CNTNAP2: variants seen among roughly 807,000 people sequenced by gnomAD.
CNTNAP2 encodes the protein contactin associated protein 2.
A neutral mutation model predicts 155.2 loss-of-function variants in CNTNAP2; 98 were observed. The ratio of observed to expected loss-of-function variants is 0.63; its 90% CI spans 0.54 to 0.75. The LOEUF (loss-of-function observed/expected upper bound fraction) is 0.75. Ranked by LOEUF, CNTNAP2 falls within the 30% of genes least tolerant of loss-of-function variation. The probability of loss-of-function intolerance (pLI) is 0.00; values close to 1 mark genes in which losing one functional copy is unlikely to be tolerated. For synonymous variants in CNTNAP2, 651 were observed against 631.2 expected (o/e 1.03, Z -0.47); for missense variants, 1,727 against 1,688.1 (o/e 1.02, Z -0.40).
intron 3 of CNTNAP2, among the ~76,000 whole-genome samples, chr7:146,848,930 C>A (rs1794816273): frequency 6.6e-6 from 1 of 152,010 alleles, no homozygotes; most frequent in African/African-American, 2.4e-5. Context: ...GCACCACCAT[C>A]CCATGCTAAT....
At chr7:146,359,438 T>A (rs1236320366) in intron 1 of CNTNAP2, among the ~76,000 whole-genome samples, 1 of 152,212 alleles carries the variant, frequency 6.6e-6, no homozygotes, top group Non-Finnish European at 1.5e-5. Flanking sequence ...ATTCTAACTC[T>A]TGAAATTTTT....
At chr7:147,879,594 T>C (rs1463017989) in intron 13 of CNTNAP2, among the ~76,000 whole-genome samples, 1 of 152,150 alleles carries the variant, frequency 6.6e-6, no homozygotes, top group African/African-American at 2.4e-5. Context: ...AAGTGTCATG[T>C]TTACCTCTCT....
At chr7:146,986,977 T>C (rs1798124686) in intron 3 of CNTNAP2, among the ~76,000 whole-genome samples, 1 of 152,096 alleles carries the variant, frequency 6.6e-6, no homozygotes, top group Non-Finnish European at 1.5e-5. Flanking sequence ...ATAAATAAAG[T>C]TGTTTCGTTC....
At chr7:147,949,349 T>C (rs537626132) in intron 14 of CNTNAP2, among the ~76,000 whole-genome samples, 1 of 151,710 alleles carries the variant, frequency 6.6e-6, no homozygotes, top group South Asian at 2.1e-4. Flanking sequence ...AGGTTGGTCT[T>C]GCTGTCCCAG....
At chr7:147,677,038 T>C (rs1795879530) in intron 13 of CNTNAP2, among the ~76,000 whole-genome samples, 1 of 150,488 alleles carries the variant, frequency 6.6e-6, no homozygotes, top group African/African-American at 2.4e-5. Context: ...AGTAGTGAGA[T>C]TGCTGGATCA....
At chr7:148,004,579 AT>A (rs1801943592) in intron 15 of CNTNAP2, among the ~76,000 whole-genome samples, 1 of 152,110 alleles carries the variant, frequency 6.6e-6, no homozygotes, top group East Asian at 1.9e-4. Context: ...ATTTTTTCTC[AT>A]TTTTTCATGT....
At chr7:146,660,355 T>G (rs1800065989) in intron 1 of CNTNAP2, among the ~76,000 whole-genome samples, 1 of 152,228 alleles carries the variant, frequency 6.6e-6, no homozygotes, top group South Asian at 2.1e-4. Flanking sequence ...TGCAGCCAAC[T>G]GGAAGATGGG....
At chr7:147,130,979 C>G (rs1801340417) in intron 7 of CNTNAP2, among the ~76,000 whole-genome samples, 1 of 150,718 alleles carries the variant, frequency 6.6e-6, no homozygotes, top group Non-Finnish European at 1.5e-5. Flanking sequence ...GACTGCCTGC[C>G]TTAGATTTAA....
intron 13 of CNTNAP2, among the ~76,000 whole-genome samples, chr7:147,865,159 G>A (rs1799205290): frequency 6.6e-6 from 1 of 152,134 alleles, no homozygotes; most frequent in African/African-American, 2.4e-5. Flanking sequence ...TTTGTCAAAG[G>A]CCTTTTCTGC....
At chr7:147,646,661 A>G (rs1795368998) in intron 13 of CNTNAP2, among the ~76,000 whole-genome samples, 1 of 152,112 alleles carries the variant, frequency 6.6e-6, no homozygotes, top group South Asian at 2.1e-4. Context: ...TGGCACCTGC[A>G]TGATGTCTGA....
intron 1 of CNTNAP2, among the ~76,000 whole-genome samples, chr7:146,662,792 T>C (rs934580721): frequency 6.6e-6 from 1 of 152,216 alleles, no homozygotes; most frequent in African/African-American, 2.4e-5. Flanking sequence ...TTTCTGCATA[T>C]GCATATGTAA....
In CNTNAP2 at chr7:146,621,508, T is replaced by C. The variant is rs116584352; in HGVS notation, c.98-152763T>C. Among the ~76,000 whole-genome samples the C allele has an allele frequency of 5.7e-3, 875 of 152,304 alleles. 4 individuals carry two copies. Among genetic ancestry groups the C allele is most frequent in the Middle Eastern group, 0.024 (7 of 294 alleles). On this transcript the variant is annotated intron_variant, in intron 1 of 23. Coordinates refer to ENST00000361727, the MANE Select transcript of CNTNAP2 (RefSeq NM_014141.6). ...CTGTTTCTCAGACTTTACTTACTTA[T>C]AATGACTTTGACAGTTTTGAGGAGT... is the stretch of plus-strand genomic sequence containing the variant.
chr7:146,799,857 C>A (rs1357514845), intron 2 of CNTNAP2, among the ~76,000 whole-genome samples: 1 of 152,096 alleles, frequency 6.6e-6, no homozygotes, highest in Admixed American at 6.5e-5. Flanking sequence ...CTCACAGAGA[C>A]ATTTTCAAGA....
chr7:147,536,800 G>T (rs963620935), intron 11 of CNTNAP2, among the ~76,000 whole-genome samples: 1 of 151,956 alleles, frequency 6.6e-6, no homozygotes, highest in African/African-American at 2.4e-5. Context: ...TTCAAGACCC[G>T]CAACTGCTCA....
intron 3 of CNTNAP2, among the ~76,000 whole-genome samples, chr7:146,881,945 T>C (rs1795560956): frequency 6.6e-6 from 1 of 152,002 alleles, no homozygotes; most frequent in Non-Finnish European, 1.5e-5. Context: ...CAGTTAGTTT[T>C]TCAACTCTTG....
At chr7:146,209,492 C>A (rs1481750162) in intron 1 of CNTNAP2, among the ~76,000 whole-genome samples, 1 of 152,188 alleles carries the variant, frequency 6.6e-6, no homozygotes, top group Non-Finnish European at 1.5e-5. Flanking sequence ...GATTTTAAGG[C>A]TGCACTTTTA....
intron 18 of CNTNAP2, among the ~76,000 whole-genome samples, chr7:148,188,829 C>A (rs1230187634): frequency 1.3e-5 from 2 of 152,204 alleles, no homozygotes; most frequent in Admixed American, 6.5e-5. Context: ...GGTCTTCATA[C>A]CCATCACTTA....
intron 10 of CNTNAP2, among the ~76,000 whole-genome samples, chr7:147,483,753 C>T (rs1798465747): frequency 6.6e-6 from 1 of 152,146 alleles, no homozygotes; most frequent in African/African-American, 2.4e-5. Context: ...AAGTGTCTAG[C>T]CCATTGCTTC....
intron 1 of CNTNAP2, among the ~76,000 whole-genome samples, chr7:146,522,614 C>T (rs1797631166): frequency 1.3e-5 from 2 of 151,936 alleles, no homozygotes; most frequent in Non-Finnish European, 2.9e-5. Flanking sequence ...TCATATTACC[C>T]ACAATTAAAG....
Sources: gnomAD v4.1 joint callset for allele counts (sites outside exome capture counted in the v4.1 genomes callset) on GRCh38, gnomAD v4.1.1 for gene constraint, MANE v1.5 for transcripts, NCBI Gene and HGNC (gene_info 2026-07-23, HGNC 2026-07-21) for gene names.